The following PC variants were observed in gnomAD, a reference collection of about 807,000 sequenced individuals.
The protein encoded by PC is pyruvate carboxylase, also known as pyruvate carboxylase, mitochondrial.
Under a neutral mutation model 107.8 loss-of-function variants are expected in PC, and 46 were observed. The observed-to-expected ratio is 0.43, with a 90% CI of 0.34 to 0.55. PC has a LOEUF of 0.55. Ranked by LOEUF, PC falls within the 20% of genes least tolerant of loss-of-function variation. PC has a pLI of 0.04. For synonymous variants in PC, 662 were observed against 684.7 expected, an observed-to-expected ratio of 0.97 and a Z score of 0.52; for missense variants, 1,241 against 1,643.1, an observed-to-expected ratio of 0.76 and a Z score of 4.23.
chr11:66,940,330 T>C (rs1382083183), intron 3 of PC, among the ~76,000 whole-genome samples: 3 of 151,984 alleles, frequency 2.0e-5, no homozygotes, highest in South Asian at 2.1e-4. Flanking sequence ...TCCCTGGTAG[T>C]TGGGACCACA....
In PC at chr11:66,870,942, C is replaced by T. The variant is rs936956828; in HGVS notation, c.634-50G>A. ...CAGACCTCAGACCCCACAGCGCTAC[C>T]TCTCCCCTGCCATGAACCCCACCCA... On this transcript the variant is annotated intron_variant, in intron 7 of 22. Coordinates refer to ENST00000393960, the MANE Select transcript of PC (RefSeq NM_001040716.2). The surrounding 1 kb of genome is among the most constrained non-coding windows in gnomAD (Gnocchi z 6.1). The T allele has an allele frequency of 8.1e-6, 13 of 1,604,716 alleles. No individual in the cohort carries two copies. The highest frequency in any genetic ancestry group is 5.3e-5 in the African/African-American group (4 of 74,898).
At chr11:66,899,023 A>C (rs1034618255) in intron 3 of PC, among the ~76,000 whole-genome samples, 1 of 152,112 alleles carries the variant, frequency 6.6e-6, no homozygotes, top group African/African-American at 2.4e-5. Flanking sequence ...GGCATGCGCC[A>C]CCATGCCCGG....
chr11:66,848,826 G>A lies in PC; in HGVS notation c.*73C>T. ...CCTTCCTGGCCTCGGGCACTGGCTGGCCTGGGCCTGCCGTGGCAGCACAGC... is the reference window on the plus strand; with the variant it reads ...CCTTCCTGGCCTCGGGCACTGGCTGACCTGGGCCTGCCGTGGCAGCACAGC... On this transcript the variant is annotated 3_prime_UTR_variant, in exon 23 of 23. Transcript: ENST00000393960. The A allele has an allele frequency of 6.2e-7, 1 of 1,603,226 alleles. No individual in the cohort carries two copies. The highest frequency in any genetic ancestry group is 1.1e-5 in the South Asian group (1 of 90,616).
intron 3 of PC, among the ~76,000 whole-genome samples, chr11:66,921,606 C>T (rs1437285507): frequency 6.6e-6 from 1 of 151,810 alleles, no homozygotes; most frequent in Non-Finnish European, 1.5e-5. Context: ...GGGGCATGGG[C>T]GGTGGGGTGG....
intron 3 of PC, among the ~76,000 whole-genome samples, chr11:66,886,279 A>C (rs1947359086): frequency 6.6e-6 from 1 of 152,128 alleles, no homozygotes; most frequent in Non-Finnish European, 1.5e-5. Flanking sequence ...GGCAGGAAGC[A>C]AACAGCCTGG....
At chr11:66,877,460 C>T (rs921482991) in intron 3 of PC, among the ~76,000 whole-genome samples, 11 of 152,154 alleles carry the variant, frequency 7.2e-5, no homozygotes, top group African/African-American at 2.4e-4. Context: ...GAGGCCAGGG[C>T]GGGTGCATCA....
At chr11:66,867,586 C>T (rs1946547568) in intron 10 of PC, among the ~76,000 whole-genome samples, 1 of 152,178 alleles carries the variant, frequency 6.6e-6, no homozygotes, top group African/African-American at 2.4e-5. Flanking sequence ...TGCTGAGAGC[C>T]CTGTCATTCC....
rs1946677605 is a variant in PC at position 66,870,416 on chromosome 11, T to G, written c.789A>C (p.Arg263=). Residue 263 remains arginine (R), a synonymous_variant, in exon 9 of 23, where the codon CGA becomes CGC. Coordinates refer to ENST00000393960, the MANE Select transcript of PC (RefSeq NM_001040716.2). This position sits in a 1 kb window ranked among gnomAD's most constrained non-coding sequence, Gnocchi z 6.1. ...QYGNILHLYE[R]DCSIQRRHQK... is the part of the protein sequence containing the mutation. ...GGTGCCGCCGCTGGATGGAGCAGTC[T>G]CGCTCGTACAGGTGCAGGATGTTCC... is the stretch of plus-strand genomic sequence containing the variant. 6.2e-7 allele frequency: 1 copy of G among 1,613,674 alleles called. No homozygotes were observed. The highest frequency in any genetic ancestry group is 8.5e-7 in the Non-Finnish European group (1 of 1,179,982).
rs554175091 is a variant in PC at position 66,881,506 on chromosome 11, C to T, written c.1-9347G>A. Among the ~76,000 whole-genome samples, 25 of 152,366 alleles carry T rather than the reference C, an allele frequency of 1.6e-4. No homozygotes were observed. In the South Asian group the frequency reaches 4.8e-3, roughly 29 times the overall value. ...CAGAAGGGAGTCAGGAAGGCACCTA[C>T]GACGACCTGCAGGCTGAGGCAGGGC... On this transcript the variant is annotated intron_variant, in intron 3 of 22. Coordinates refer to ENST00000393960, the MANE Select transcript of PC (RefSeq NM_001040716.2).
At chr11:66,904,403 C>T (rs555698966) in intron 3 of PC, among the ~76,000 whole-genome samples, 2 of 152,280 alleles carry the variant, frequency 1.3e-5, no homozygotes, top group South Asian at 2.1e-4. Flanking sequence ...CTTTGGGAGG[C>T]CAAAGCAAGC....
chr11:66,913,648 G>A (rs1410345211), intron 3 of PC, among the ~76,000 whole-genome samples: 2 of 127,928 alleles, frequency 1.6e-5, no homozygotes, highest in Admixed American at 8.7e-5. Context: ...GGCAACAAGA[G>A]AGAAACTCTG....
chr11:66,924,364 T>G (rs1591288854), intron 3 of PC, among the ~76,000 whole-genome samples: 2 of 24,334 alleles, frequency 8.2e-5, no homozygotes, highest in East Asian at 2.7e-3. Context: ...AGACCCCATC[T>G]CTACCAAAAA....
At chr11:66,942,778 C>T (rs1434183679) in intron 3 of PC, among the ~76,000 whole-genome samples, 1 of 151,862 alleles carries the variant, frequency 6.6e-6, no homozygotes, top group African/African-American at 2.4e-5. Flanking sequence ...TTTGGGAGGC[C>T]GAGGCGGGCG....
At chr11:66,904,148 G>A (rs1435884090) in intron 3 of PC, among the ~76,000 whole-genome samples, 1 of 152,044 alleles carries the variant, frequency 6.6e-6, no homozygotes, top group Admixed American at 6.6e-5. Context: ...AGAGCATGGG[G>A]CTTTCTGGCC....
At chr11:66,946,482 A>T (rs1048824275) in intron 3 of PC, among the ~76,000 whole-genome samples, 6 of 151,792 alleles carry the variant, frequency 4.0e-5, no homozygotes, top group Non-Finnish European at 7.4e-5. Context: ...TACAAAAATT[A>T]GCTGGGCCAC....
intron 12 of PC, among the ~76,000 whole-genome samples, chr11:66,854,473 T>C (rs538213119): frequency 3.3e-5 from 5 of 152,284 alleles, no homozygotes; most frequent in Admixed American, 3.3e-4. Context: ...GTGCACTTTG[T>C]GCACAGGGGC....
At position 66,911,829 on chromosome 11, in the gene PC, G is replaced by C. The variant is rs143700555; in HGVS notation, c.1-39670C>G. Among the ~76,000 whole-genome samples, 449 of 152,128 alleles carry C rather than the reference G, an allele frequency of 3.0e-3. 2 individuals are homozygous for C. Among genetic ancestry groups the C allele is most frequent in the African/African-American group, 0.01 (429 of 41,480 alleles). The stretch of plus-strand genomic sequence containing the variant: ...AGGCAGATCATAAGGTCAGGAGTTC[G>C]AGACCAGCCTGACCAATATAGTGAA... On this transcript the variant is annotated intron_variant, in intron 3 of 22. Coordinates refer to ENST00000393960, the MANE Select transcript of PC (RefSeq NM_001040716.2).
At chr11:66,921,181 C>T (rs1443755944) in intron 3 of PC, among the ~76,000 whole-genome samples, 2 of 152,190 alleles carry the variant, frequency 1.3e-5, no homozygotes. Flanking sequence ...ACCACTTTCA[C>T]TAGGGCAACA....
chr11:66,884,081 C>T (rs1363875633), intron 3 of PC, among the ~76,000 whole-genome samples: 2 of 152,032 alleles, frequency 1.3e-5, no homozygotes, highest in Non-Finnish European at 2.9e-5. Context: ...CCCATCTCTA[C>T]TAAAAATACA....
Sources: allele counts gnomAD v4.1 joint callset (sites outside exome capture counted in the v4.1 genomes callset), GRCh38; gene constraint gnomAD v4.1.1; non-coding constraint Gnocchi (gnomAD v3.1); transcripts MANE v1.5; gene names NCBI Gene and HGNC (gene_info 2026-07-23, HGNC 2026-07-21).